The following CAMKMT variants were observed in gnomAD, a reference collection of about 807,000 sequenced individuals.
CAMKMT encodes the protein CaM KMT.
In CAMKMT, 53 loss-of-function variants were observed where a neutral mutation model predicts 48.0. The ratio of observed to expected loss-of-function variants is 1.10; its 90% CI spans 0.89 to 1.39. CAMKMT has a LOEUF of 1.39. Among genes scored for constraint, CAMKMT ranks in the 40% most tolerant of loss-of-function variants. CAMKMT has a pLI of 0.00. For synonymous variants in CAMKMT, 165 were observed against 152.3 expected, an observed-to-expected ratio of 1.08 and a Z score of -0.61; for missense variants, 428 against 402.7, an observed-to-expected ratio of 1.06 and a Z score of -0.54.
chr2:44,593,915 C>A (rs905868305), intron 3 of CAMKMT, among the ~76,000 whole-genome samples: 4 of 151,956 alleles, frequency 2.6e-5, no homozygotes, highest in Non-Finnish European at 4.4e-5. Flanking sequence ...AGGCATGTAC[C>A]ACCACGCCTG....
intron 3 of CAMKMT, among the ~76,000 whole-genome samples, chr2:44,661,656 ATTAC>A (rs1190248227): frequency 1.3e-5 from 2 of 152,176 alleles, no homozygotes; most frequent in Non-Finnish European, 2.9e-5. Context: ...AGTTTCATTA[ATTAC>A]TTGTGTTTTG....
At chr2:44,694,069 G>T (rs1676805188) in intron 3 of CAMKMT, among the ~76,000 whole-genome samples, 1 of 152,202 alleles carries the variant, frequency 6.6e-6, no homozygotes, top group African/African-American at 2.4e-5. Flanking sequence ...GAGGGAGCCA[G>T]CAGTGCTGCT....
At chr2:44,472,502 T>C (rs886441231) in intron 3 of CAMKMT, among the ~76,000 whole-genome samples, 7 of 152,184 alleles carry the variant, frequency 4.6e-5, no homozygotes, top group African/African-American at 1.2e-4. Flanking sequence ...GCCCCCAAAA[T>C]CCTGTTTGTA....
intron 3 of CAMKMT, among the ~76,000 whole-genome samples, chr2:44,513,803 T>C (rs536120214): frequency 6.6e-6 from 1 of 151,652 alleles, no homozygotes; most frequent in South Asian, 2.1e-4. Flanking sequence ...AGAGAAAAAA[T>C]TACTAAGAAA....
intron 3 of CAMKMT, among the ~76,000 whole-genome samples, chr2:44,469,275 ATAAT>A (rs1357391320): frequency 1.3e-5 from 2 of 152,132 alleles, no homozygotes; most frequent in Non-Finnish European, 2.9e-5. Flanking sequence ...AAATATAATA[ATAAT>A]TTTTTAAAAA....
chr2:44,520,055 C>CAA (rs34844162), intron 3 of CAMKMT, among the ~76,000 whole-genome samples: 2,010 of 138,474 alleles, frequency 0.015, 28 homozygotes, highest in African/African-American at 0.042. Context: ...ACTAAAAATA[C>CAA]AAAAAAAAAA....
chr2:44,500,579 C>G, intron 3 of CAMKMT, among the ~76,000 whole-genome samples: 1 of 151,616 alleles, frequency 6.6e-6, no homozygotes, highest in East Asian at 1.9e-4. Context: ...AAAATTTGAC[C>G]CAAGTTATTA....
At chr2:44,409,202 C>T (rs1683021592) in intron 3 of CAMKMT, among the ~76,000 whole-genome samples, 1 of 128,688 alleles carries the variant, frequency 7.8e-6, no homozygotes, top group African/African-American at 2.8e-5. Flanking sequence ...TACATAAAGA[C>T]AACTAGCCAA....
intron 3 of CAMKMT, among the ~76,000 whole-genome samples, chr2:44,656,973 C>A (rs1293487859): frequency 6.6e-6 from 1 of 152,200 alleles, no homozygotes; most frequent in Non-Finnish European, 1.5e-5. Context: ...GAAGCACCTA[C>A]TATCAGAAAG....
chr2:44,526,162 T>G (rs1004481841), intron 3 of CAMKMT, among the ~76,000 whole-genome samples: 11 of 150,420 alleles, frequency 7.3e-5, no homozygotes, highest in Non-Finnish European at 1.6e-4. Context: ...TTCCCAAGAT[T>G]TCTTAAGCAA....
intron 2 of CAMKMT, among the ~76,000 whole-genome samples, 188 bp downstream of exon 2, chr2:44,373,076 A>G (rs1679340708): frequency 6.6e-6 from 1 of 152,216 alleles, no homozygotes; most frequent in East Asian, 1.9e-4. Context: ...ATCAGACTAA[A>G]GGAAACAAGT....
At chr2:44,699,602 T>C (rs1196735221) in intron 3 of CAMKMT, among the ~76,000 whole-genome samples, 1 of 109,480 alleles carries the variant, frequency 9.1e-6, no homozygotes, top group Admixed American at 9.0e-5. Context: ...TTTTCTCTTA[T>C]TTTTTTTTTA....
intron 3 of CAMKMT, among the ~76,000 whole-genome samples, chr2:44,584,868 C>T (rs993071296): frequency 1.3e-5 from 2 of 151,934 alleles, no homozygotes; most frequent in African/African-American, 2.4e-5. Context: ...TCCTGGCTAA[C>T]GTGGTGAAAC....
rs1156952877 is a variant in CAMKMT, at chr2:44,630,628, CA to C, written c.377-73649del. 4.0e-5 allele frequency among the ~76,000 whole-genome samples: 6 copies of C among 151,588 alleles called. No homozygotes were observed. The East Asian group carries it at 1.2e-3, about 29-fold the overall frequency. On this transcript the variant is annotated intron_variant, in intron 3 of 10. Transcript: ENST00000378494. ...TCTCAAAAGAAGACATTTATGCAGCCAAAAAACACATGAAAAAATGCTCACC... is the reference window on the plus strand; with the variant it reads ...TCTCAAAAGAAGACATTTATGCAGCCAAAAACACATGAAAAAATGCTCACC...
At chr2:44,604,952 G>A (rs773537577) in intron 3 of CAMKMT, among the ~76,000 whole-genome samples, 6 of 152,046 alleles carry the variant, frequency 3.9e-5, no homozygotes, top group South Asian at 2.1e-4. Context: ...CTATTTCAAC[G>A]TGTTATTTTC....
chr2:44,754,281 A>G (rs1227974592), intron 9 of CAMKMT, among the ~76,000 whole-genome samples, 163 bp downstream of exon 9: 1 of 152,206 alleles, frequency 6.6e-6, no homozygotes, highest in Non-Finnish European at 1.5e-5. Flanking sequence ...ATTCTTTCCT[A>G]ATCATAACTA....
In CAMKMT at chr2:44,627,697, CTTTTT is replaced by C. The variant is rs1174344846; in HGVS notation, c.377-76560_377-76556del. Among the ~76,000 whole-genome samples, 126 of 75,072 alleles carry C rather than the reference CTTTTT, an allele frequency of 1.7e-3. 2 individuals are homozygous for C. Among genetic ancestry groups the C allele is most frequent in the Middle Eastern group, 7.5e-3 (1 of 134 alleles). The allele number at this position is 75,072 out of a possible 152,430, so 49.3% of individuals were successfully genotyped here. ...TTATTTATAATGGTCCCATTTTATC[CTTTTT>C]TTTTTTTTTTTTTTTTTTTTTTTTT... On this transcript the variant is annotated intron_variant, in intron 3 of 10. Transcript: ENST00000378494.
chr2:44,379,408 A>G (rs564746316), intron 2 of CAMKMT, among the ~76,000 whole-genome samples: 66 of 152,274 alleles, frequency 4.3e-4, no homozygotes, highest in African/African-American at 1.5e-3. Flanking sequence ...TATGCTTTTA[A>G]TTCTCTTGGG....
chr2:44,585,021 C>G (rs1049560742), intron 3 of CAMKMT, among the ~76,000 whole-genome samples: 1 of 151,510 alleles, frequency 6.6e-6, no homozygotes. Flanking sequence ...CACCACTGCA[C>G]TCCAGCCTGG....
Sources: gnomAD v4.1 joint callset for allele counts (sites outside exome capture counted in the v4.1 genomes callset) on GRCh38, gnomAD v4.1.1 for gene constraint, MANE v1.5 for transcripts, NCBI Gene and HGNC (gene_info 2026-07-23, HGNC 2026-07-21) for gene names.